FBXO34: variants seen among roughly 807,000 people sequenced by gnomAD.
FBXO34 encodes the protein F-box protein 34, also known as F-box only protein 34.
Under a neutral mutation model 24.5 loss-of-function variants are expected in FBXO34, and 12 were observed. That is an observed-to-expected ratio of 0.49 (90% CI 0.31 to 0.79). The LOEUF (loss-of-function observed/expected upper bound fraction) is 0.79. FBXO34 is among the 30% of genes least tolerant of loss of function. FBXO34 has a pLI of 0.04. For missense variants in FBXO34, 823 were observed against 857.7 expected, an observed-to-expected ratio of 0.96 and a Z score of 0.51; for synonymous variants, 320 against 311.9, an observed-to-expected ratio of 1.03 and a Z score of -0.27.
intron 1 of FBXO34, chr14:55,282,214 T>G (rs146001499): frequency 4.7e-6 from 1 of 212,012 alleles, no homozygotes; most frequent in Non-Finnish European, 9.8e-6. Flanking sequence ...AAGATGATCT[T>G]GATCTCCTTA....
chr14:55,360,196 C>T (rs1884575055), intron 3 of FBXO34, among the ~76,000 whole-genome samples: 1 of 152,120 alleles, frequency 6.6e-6, no homozygotes, highest in African/African-American at 2.4e-5. Flanking sequence ...CCTCAGCCTC[C>T]CAAGTAGCTG....
chr14:55,298,742 A>AC (rs1402230324), intron 1 of FBXO34: 2 of 1,572,604 alleles, frequency 1.3e-6, no homozygotes, highest in Non-Finnish European at 1.7e-6. Flanking sequence ...TAAGCAAGAA[A>AC]CAGGAGTTCC....
At chr14:55,334,972 G>A (rs775567172) in intron 1 of FBXO34, among the ~76,000 whole-genome samples, 34 of 152,168 alleles carry the variant, frequency 2.2e-4, no homozygotes, top group Non-Finnish European at 4.0e-4. Flanking sequence ...TTGGGGAATA[G>A]GGTTTATGAA....
At chr14:55,296,391 G>GTTTTT (rs1167344634) in intron 1 of FBXO34, among the ~76,000 whole-genome samples, 41 of 64,740 alleles carry the variant, frequency 6.3e-4, no homozygotes, top group Middle Eastern at 0.011. Context: ...TGTTTTTTTT[G>GTTTTT]TTTTTTTTTT....
the FBXO34 span, among the ~76,000 whole-genome samples, chr14:55,394,657 C>A: frequency 2.0e-5 from 3 of 152,050 alleles, no homozygotes; most frequent in African/African-American, 7.2e-5. Context: ...ACAGAGTGCA[C>A]GAAATTCTGA....
rs765859715 is a variant in FBXO34 at position 55,297,604 on chromosome 14, T to G, written c.-11+26067T>G. Among the ~76,000 whole-genome samples, 5 of 152,222 alleles carry G rather than the reference T, an allele frequency of 3.3e-5. No individual in the cohort carries two copies. The East Asian group carries it at 9.6e-4, about 29-fold the overall frequency. On this transcript the variant is annotated intron_variant, in intron 1 of 1. Coordinates refer to ENST00000313833, the MANE Select transcript of FBXO34 (RefSeq NM_017943.4). ...TGGTAGTGATAGCCTCTATTGGAAA[T>G]TTTGATAGGATTAGGTAATTTTAGA...
At chr14:55,415,797 CG>C in the FBXO34 span, among the ~76,000 whole-genome samples, 1 of 151,960 alleles carries the variant, frequency 6.6e-6, no homozygotes, top group African/African-American at 2.4e-5. Flanking sequence ...ATTTGGGAGG[CG>C]GGGGTTGCAA....
chr14:55,428,763 A>C, the FBXO34 span: 1 of 1,572,850 alleles, frequency 6.4e-7, no homozygotes, highest in African/African-American at 1.4e-5. Context: ...ATGTAACTTA[A>C]ATATCTTGGT....
the FBXO34 span, among the ~76,000 whole-genome samples, chr14:55,428,021 T>C: frequency 1.5e-5 from 2 of 129,364 alleles, no homozygotes; most frequent in Admixed American, 7.3e-5. Flanking sequence ...TCATAGAACG[T>C]GCTACAGCAT....
In FBXO34 at chr14:55,310,768, A is replaced by G. The variant is rs139769716; in HGVS notation, c.-11+39231A>G. Among the ~76,000 whole-genome samples the G allele has an allele frequency of 6.3e-3, 961 of 152,284 alleles. 13 individuals carry two copies. Among genetic ancestry groups the G allele is most frequent in the African/African-American group, 0.022 (901 of 41,568 alleles). On this transcript the variant is annotated intron_variant, in intron 1 of 1. Transcript: ENST00000313833. ...TATCTGCCTTGGCTGGACTATATCT[A>G]TTTGCAGATTGCCTCAATTCTCTTT...
intron 1 of FBXO34, among the ~76,000 whole-genome samples, chr14:55,297,487 A>G (rs1432738869): frequency 6.6e-6 from 1 of 152,212 alleles, no homozygotes; most frequent in Non-Finnish European, 1.5e-5. Flanking sequence ...TTAGTTTAAA[A>G]TACATGTTAA....
intron 1 of FBXO34, among the ~76,000 whole-genome samples, chr14:55,304,030 G>A (rs1019725775): frequency 6.6e-6 from 1 of 152,200 alleles, no homozygotes; most frequent in East Asian, 1.9e-4. Flanking sequence ...CTGATAGAGG[G>A]AAAGAATAGT....
At chr14:55,364,510 T>C (rs8008119), downstream of FBXO34, among the ~76,000 whole-genome samples, 63,529 of 151,872 alleles carry the variant, frequency 0.42, 13,516 homozygotes, top group African/African-American at 0.43. Flanking sequence ...CTGCAACCTC[T>C]GCCTCCTAGT....
chr14:55,423,177 G>A, the FBXO34 span, among the ~76,000 whole-genome samples: 2 of 152,116 alleles, frequency 1.3e-5, no homozygotes, highest in African/African-American at 2.4e-5. Context: ...TCTGATTACC[G>A]GTGGGGTTAA....
At chr14:55,433,755 G>A in the FBXO34 span, 15 of 1,594,192 alleles carry the variant, frequency 9.4e-6, no homozygotes, top group African/African-American at 1.5e-4. Flanking sequence ...ATTAGCCTCT[G>A]CTAGGAGTTA....
intron 1 of FBXO34, among the ~76,000 whole-genome samples, chr14:55,317,751 T>G (rs924463534): frequency 6.6e-6 from 1 of 152,186 alleles, no homozygotes; most frequent in African/African-American, 2.4e-5. Context: ...CCCCTTCCTT[T>G]AGCCAGCTGG....
Position 55,323,523 on chromosome 14 carries a change from C to T in FBXO34, c.-10-26858C>T, listed in dbSNP as rs868708618. On this transcript the variant is annotated intron_variant, in intron 1 of 1. Coordinates refer to ENST00000313833, the MANE Select transcript of FBXO34 (RefSeq NM_017943.4). ...TCAGCCTCCCGAGTAGCTGGGATTA[C>T]AGGCACGTGCCACCACGTCCAGCTA... Among the ~76,000 whole-genome samples the T allele has an allele frequency of 3.3e-4, 50 of 151,836 alleles. 1 individual carries two copies. The highest frequency in any genetic ancestry group is 1.2e-3 in the African/African-American group (48 of 41,356).
the FBXO34 span, chr14:55,435,919 A>T: frequency 2.5e-6 from 4 of 1,578,540 alleles, no homozygotes; most frequent in East Asian, 9.3e-5. Flanking sequence ...CCAGGTTTAC[A>T]GTGGAAACTA....
At chr14:55,441,620 T>C in the FBXO34 span, among the ~76,000 whole-genome samples, 1 of 152,232 alleles carries the variant, frequency 6.6e-6, no homozygotes, top group African/African-American at 2.4e-5. Flanking sequence ...AGTGTGTTGC[T>C]GCACAGTTAG....
Sources: allele counts gnomAD v4.1 joint callset (sites outside exome capture counted in the v4.1 genomes callset), GRCh38; gene constraint gnomAD v4.1.1; transcripts MANE v1.5; gene names NCBI Gene and HGNC (gene_info 2026-07-23, HGNC 2026-07-21).